TADA2A: variants seen among roughly 807,000 people sequenced by gnomAD.
TADA2A encodes the protein transcriptional adaptor 2A.
A neutral mutation model predicts 67.4 loss-of-function variants in TADA2A; 38 were observed. The ratio of observed to expected loss-of-function variants is 0.56; its 90% CI spans 0.44 to 0.74. The LOEUF (loss-of-function observed/expected upper bound fraction) is 0.74. TADA2A is among the 30% of genes least tolerant of loss of function. The probability of loss-of-function intolerance (pLI) is 0.00; values close to 1 mark genes in which losing one functional copy is unlikely to be tolerated. For missense variants in TADA2A, 454 were observed against 547.0 expected, an observed-to-expected ratio of 0.83 and a Z score of 1.70; for synonymous variants, 192 against 181.6, an observed-to-expected ratio of 1.06 and a Z score of -0.46.
At chr17:37,415,349 G>C (rs2052007862) in intron 2 of TADA2A, among the ~76,000 whole-genome samples, 1 of 152,018 alleles carries the variant, frequency 6.6e-6, no homozygotes, top group South Asian at 2.1e-4. Context: ...GTTTTTTATA[G>C]TTGCATAATA....
chr17:37,471,997 C>A (rs2053797282), intron 14 of TADA2A, among the ~76,000 whole-genome samples: 1 of 151,826 alleles, frequency 6.6e-6, no homozygotes, highest in South Asian at 2.1e-4. Flanking sequence ...GATTGGTAAT[C>A]GATGACTGGG....
chr17:37,474,783 G>T (rs1414892519), intron 15 of TADA2A, among the ~76,000 whole-genome samples, 154 bp downstream of exon 15: 1 of 152,154 alleles, frequency 6.6e-6, no homozygotes, highest in Non-Finnish European at 1.5e-5. Flanking sequence ...AAGAGCTAAA[G>T]AGCCGTTTGT....
intron 7 of TADA2A, among the ~76,000 whole-genome samples, chr17:37,442,869 A>C (rs1597895594): frequency 6.6e-6 from 1 of 152,230 alleles, no homozygotes; most frequent in East Asian, 1.9e-4. Flanking sequence ...CTTTAAACAA[A>C]CAACCTATTT....
chr17:37,444,619 C>T lies in TADA2A; in HGVS notation c.532-77C>T, dbSNP rs939568494. ...TTGCTTGTGTTTTTTCTGTTTACTT[C>T]TAAAGCATGGCTGCTGTAAAGACAC... On this transcript the variant is annotated intron_variant, in intron 7 of 15. Transcript: ENST00000615182. The T allele has an allele frequency of 8.0e-6, 10 of 1,248,180 alleles. 1 individual carries two copies. The highest frequency in any genetic ancestry group is 1.9e-4 in the Middle Eastern group (1 of 5,254). 77.3% of individuals were successfully genotyped at this position (1,248,180 alleles called of 1,614,324 possible).
intron 3 of TADA2A, among the ~76,000 whole-genome samples, chr17:37,425,248 T>C (rs1261715879): frequency 1.3e-5 from 2 of 152,184 alleles, no homozygotes; most frequent in African/African-American, 4.8e-5. Flanking sequence ...AGATTATTCC[T>C]TTTGATGACA....
intron 3 of TADA2A, 99 bp downstream of exon 3, chr17:37,423,714 C>A: frequency 5.1e-6 from 4 of 787,712 alleles, no homozygotes; most frequent in Non-Finnish European, 3.9e-6. Context: ...AGATCTATGT[C>A]TTATTAAATC....
chr17:37,442,715 C>T, intron 7 of TADA2A, 63 bp downstream of exon 7: 3 of 1,479,098 alleles, frequency 2.0e-6, no homozygotes, highest in Admixed American at 1.8e-5. Context: ...CATGAGCCTT[C>T]TGTCTCACCC....
chr17:37,473,006 G>A (rs1476599905), intron 14 of TADA2A, among the ~76,000 whole-genome samples: 1 of 151,892 alleles, frequency 6.6e-6, no homozygotes, highest in East Asian at 1.9e-4. Context: ...CTACTATCCA[G>A]GCTGGAGTGC....
At chr17:37,415,571 C>T (rs182205459) in intron 2 of TADA2A, among the ~76,000 whole-genome samples, 172 of 152,074 alleles carry the variant, frequency 1.1e-3, no homozygotes, top group Admixed American at 3.9e-3. Context: ...ATTTTGTATT[C>T]CCACCAGTGA....
At chr17:37,429,716 C>T (rs2052516041) in intron 4 of TADA2A, among the ~76,000 whole-genome samples, 1 of 152,106 alleles carries the variant, frequency 6.6e-6, no homozygotes, top group African/African-American at 2.4e-5. Context: ...AGTTTCTGGG[C>T]TTATAATATT....
In TADA2A at chr17:37,471,632, C is replaced by T. The variant is rs545746498; in HGVS notation, c.1072+495C>T. Among the ~76,000 whole-genome samples, 9 of 152,002 alleles carry T rather than the reference C, an allele frequency of 5.9e-5. No homozygotes were observed. In the South Asian group the frequency reaches 1.3e-3, roughly 21 times the overall value. ...AAGTGATTCTTCTGCCCCAGCCTCC[C>T]GAACAGCTGGGATTACAGGCATGCA... On this transcript the variant is annotated intron_variant, in intron 14 of 15. Coordinates refer to ENST00000615182, the MANE Select transcript of TADA2A (RefSeq NM_001166105.3).
At chr17:37,459,328 G>T (rs1189043742) in intron 9 of TADA2A, among the ~76,000 whole-genome samples, 1 of 151,246 alleles carries the variant, frequency 6.6e-6, no homozygotes, top group Non-Finnish European at 1.5e-5. Flanking sequence ...TGTCACCCAG[G>T]ATGGAGTGCA....
intron 4 of TADA2A, among the ~76,000 whole-genome samples, chr17:37,437,214 C>T (rs2052755716): frequency 6.6e-6 from 1 of 150,742 alleles, no homozygotes; most frequent in African/African-American, 2.5e-5. Context: ...GCCTCAGCCT[C>T]CCAAGTAGCT....
intron 4 of TADA2A, chr17:37,436,267 C>T (rs2052723593): frequency 6.6e-6 from 1 of 152,178 alleles, no homozygotes; most frequent in Non-Finnish European, 1.5e-5. Flanking sequence ...GTTTCAAAAT[C>T]ACTTGAAATA....
chr17:37,412,218 G>GAA (rs58185039), intron 2 of TADA2A, among the ~76,000 whole-genome samples: 4 of 106,658 alleles, frequency 3.8e-5, no homozygotes, highest in Non-Finnish European at 4.1e-5. Context: ...CTCAAAAAAA[G>GAA]AAAAAAAAAA....
At chr17:37,410,456 A>G (rs1399034877) in intron 1 of TADA2A, among the ~76,000 whole-genome samples, 2 of 151,852 alleles carry the variant, frequency 1.3e-5, no homozygotes, top group African/African-American at 4.8e-5. Context: ...GATTACAGGC[A>G]TGAGCCACTG....
chr17:37,408,706 A>G (rs1341807369), intron 1 of TADA2A: 1 of 152,220 alleles, frequency 6.6e-6, no homozygotes, highest in East Asian at 1.9e-4. Context: ...ACCCACGGGT[A>G]CCTAGCAAAT....
chr17:37,466,420 A>G (rs548201769), intron 11 of TADA2A, among the ~76,000 whole-genome samples: 9 of 152,344 alleles, frequency 5.9e-5, no homozygotes, highest in African/African-American at 2.2e-4. Flanking sequence ...ACCCTGTTTC[A>G]AAACAAAATA....
chr17:37,449,198 T>G (rs1280405301), intron 8 of TADA2A, among the ~76,000 whole-genome samples: 1 of 152,046 alleles, frequency 6.6e-6, no homozygotes, highest in Non-Finnish European at 1.5e-5. Context: ...TTTTTTGTAT[T>G]TTTTAGTAGA....
Sources: gnomAD v4.1 joint callset for allele counts (sites outside exome capture counted in the v4.1 genomes callset) on GRCh38, gnomAD v4.1.1 for gene constraint, MANE v1.5 for transcripts, NCBI Gene and HGNC (gene_info 2026-07-23, HGNC 2026-07-21) for gene names.